The following PCSK6 variants were observed in gnomAD, a reference collection of about 807,000 sequenced individuals.
PCSK6 encodes paired basic amino acid cleaving enzyme 4.
In PCSK6, 85 loss-of-function variants were observed where a neutral mutation model predicts 123.3. The observed-to-expected ratio is 0.69, with a 90% CI of 0.58 to 0.83. PCSK6 has a LOEUF of 0.83. Ranked by LOEUF, PCSK6 falls within the 40% of genes least tolerant of loss-of-function variation. The pLI is 0.00. For synonymous variants in PCSK6, 508 were observed against 516.0 expected (o/e 0.98, Z 0.21); for missense variants, 1,191 against 1,282.3 (o/e 0.93, Z 1.09).
intron 2 of PCSK6, among the ~76,000 whole-genome samples, chr15:101,440,734 A>G (rs1362031735): frequency 6.6e-6 from 1 of 152,252 alleles, no homozygotes; most frequent in Non-Finnish European, 1.5e-5. Context: ...GTATCATAAA[A>G]ATGCTTTGCC....
intron 3 of PCSK6, among the ~76,000 whole-genome samples, chr15:101,431,738 C>T (rs1220813708): frequency 6.6e-6 from 1 of 152,214 alleles, no homozygotes; most frequent in African/African-American, 2.4e-5. Context: ...GCCATTTAGT[C>T]ATACAGCCTG....
chr15:101,448,947 G>A (rs915348192), intron 1 of PCSK6, among the ~76,000 whole-genome samples: 2 of 152,198 alleles, frequency 1.3e-5, no homozygotes, highest in Admixed American at 6.5e-5. Context: ...GAGTGTGTGT[G>A]CATATGTGTG....
chr15:101,347,951 T>TG (rs2040779617), intron 13 of PCSK6, among the ~76,000 whole-genome samples: 1 of 152,182 alleles, frequency 6.6e-6, no homozygotes, highest in African/African-American at 2.4e-5. Flanking sequence ...GTTGCTTAGC[T>TG]GGGGGAAGTC....
At chr15:101,335,131 T>G (rs1218446677) in intron 13 of PCSK6, among the ~76,000 whole-genome samples, 1 of 152,160 alleles carries the variant, frequency 6.6e-6, no homozygotes, top group Non-Finnish European at 1.5e-5. Flanking sequence ...GGCTACTTTT[T>G]GTATTTTTGG....
At chr15:101,350,051 G>A (rs931427265) in intron 13 of PCSK6, among the ~76,000 whole-genome samples, 2 of 152,136 alleles carry the variant, frequency 1.3e-5, no homozygotes, top group Non-Finnish European at 1.5e-5. Flanking sequence ...TGAGACTACA[G>A]GTGCACGCCA....
In PCSK6 at chr15:101,489,380, C is replaced by A; in HGVS notation, c.291G>T (p.Leu97Phe). Residue 97 changes from leucine to phenylalanine, a missense_variant, in exon 1 of 22, where the codon TTG (leucine) becomes TTT (phenylalanine). Leu to Phe is a conservative substitution (Grantham distance 22). Coordinates refer to ENST00000611716, the MANE Select transcript of PCSK6 (RefSeq NM_002570.5). The stretch of plus-strand genomic sequence containing the variant: ...CGGGGCCGGCCGCACTCACCTGGCC[C>A]AAGTTGAGGTACCCGTGCGCCGCCG... ...RVAAAHGYLN[L>F]GQIGNLEDYY... 1 of 1,249,266 alleles carries A rather than the reference C, an allele frequency of 8.0e-7. No individual in the cohort carries two copies. The highest frequency in any genetic ancestry group is 1.0e-6 in the Non-Finnish European group (1 of 983,652). The allele number at this position is 1,249,266 out of a possible 1,614,324, so 77.4% of individuals were successfully genotyped here.
Position 101,323,788 on chromosome 15 carries a change from A to G in PCSK6, c.2377+1062T>C, listed in dbSNP as rs1248095253. ...TTGATGGCTTTATACGTCTTTTAAG[A>G]TTTGCTGGGTCTTGTCCACAGGGGT... On this transcript the variant is annotated intron_variant, in intron 17 of 21. Coordinates refer to ENST00000611716, the MANE Select transcript of PCSK6 (RefSeq NM_002570.5). Among the ~76,000 whole-genome samples, 4 of 151,348 alleles carry G rather than the reference A, an allele frequency of 2.6e-5. No homozygotes were observed. The East Asian group carries it at 7.8e-4, about 29-fold the overall frequency.
intron 1 of PCSK6, among the ~76,000 whole-genome samples, chr15:101,465,665 T>C (rs1339256311): frequency 2.2e-5 from 3 of 136,106 alleles, no homozygotes; most frequent in Non-Finnish European, 4.7e-5. Context: ...AGGAAGACAA[T>C]GGTGTCCTAA....
At chr15:101,380,371 CCAG>C (rs1287800375) in intron 11 of PCSK6, among the ~76,000 whole-genome samples, 3 of 152,236 alleles carry the variant, frequency 2.0e-5, no homozygotes, top group Non-Finnish European at 4.4e-5. Context: ...AGGGCAGCCC[CCAG>C]GTCAGGAACC....
chr15:101,341,180 C>T (rs1326926129), intron 13 of PCSK6, among the ~76,000 whole-genome samples: 1 of 151,548 alleles, frequency 6.6e-6, no homozygotes, highest in East Asian at 1.9e-4. Context: ...GGTGATCCAC[C>T]TGTCTCAGCC....
chr15:101,378,952 T>C (rs1303481048), intron 11 of PCSK6, among the ~76,000 whole-genome samples: 1 of 152,244 alleles, frequency 6.6e-6, no homozygotes, highest in East Asian at 1.9e-4. Context: ...GCCCGCATTG[T>C]GCTGTGCTGG....
intron 15 of PCSK6, among the ~76,000 whole-genome samples, chr15:101,329,050 A>C (rs882422): frequency 6.6e-6 from 1 of 151,926 alleles, no homozygotes; most frequent in Admixed American, 6.5e-5. Context: ...TCCAAGCCCC[A>C]CTGCCTTCTT....
chr15:101,323,313 T>A (rs1052462693), intron 17 of PCSK6, among the ~76,000 whole-genome samples: 2 of 152,178 alleles, frequency 1.3e-5, no homozygotes, highest in African/African-American at 4.8e-5. Context: ...CGGCCAACTG[T>A]GCCCTTGGGA....
At chr15:101,313,254 C>A in intron 20 of PCSK6, 122 bp downstream of exon 20, 2 of 1,572,274 alleles carry the variant, frequency 1.3e-6, no homozygotes, top group Non-Finnish European at 1.7e-6. Context: ...GGGCTCCTGT[C>A]CACAGTGGGG....
intron 3 of PCSK6, 140 bp from the exon 4 acceptor site, chr15:101,431,603 G>A (rs2056450028): frequency 3.0e-6 from 3 of 1,001,962 alleles, no homozygotes; most frequent in Non-Finnish European, 4.6e-6. Context: ...TTACATAGCA[G>A]AGCTCCTCTT....
At chr15:101,426,946 C>G (rs2141104955) in intron 6 of PCSK6, among the ~76,000 whole-genome samples, 1 of 152,368 alleles carries the variant, frequency 6.6e-6, no homozygotes, top group East Asian at 1.9e-4. Context: ...GACTGAGAAG[C>G]AGACAGGCCT....
At chr15:101,402,365 G>C (rs1050719229) in intron 6 of PCSK6, among the ~76,000 whole-genome samples, 2 of 150,234 alleles carry the variant, frequency 1.3e-5, no homozygotes, top group African/African-American at 5.0e-5. Flanking sequence ...CATGGGCAAG[G>C]ACTTCATGTC....
At chr15:101,463,326 C>T (rs144857523) in intron 1 of PCSK6, among the ~76,000 whole-genome samples, 63 of 152,256 alleles carry the variant, frequency 4.1e-4, no homozygotes, top group Non-Finnish European at 6.6e-4. Context: ...CCGTGTTTCT[C>T]CCCGAATATC....
At chr15:101,479,280 G>A (rs986618310) in intron 1 of PCSK6, among the ~76,000 whole-genome samples, 1 of 152,250 alleles carries the variant, frequency 6.6e-6, no homozygotes, top group Non-Finnish European at 1.5e-5. Flanking sequence ...CAACAGATAG[G>A]TGCAGAAGAA....
Sources: allele counts gnomAD v4.1 joint callset (sites outside exome capture counted in the v4.1 genomes callset), GRCh38; gene constraint gnomAD v4.1.1; transcripts MANE v1.5; gene names NCBI Gene and HGNC (gene_info 2026-07-23, HGNC 2026-07-21).